SLC48A1: variants seen among roughly 807,000 people sequenced by gnomAD.
The protein encoded by SLC48A1 is solute carrier family 48 member 1.
In SLC48A1, 6 loss-of-function variants were observed where a neutral mutation model predicts 14.8. The ratio of observed to expected loss-of-function variants is 0.41; its 90% CI spans 0.22 to 0.80. The LOEUF is 0.80. SLC48A1 is among the 30% of genes least tolerant of loss of function. The pLI, the probability that SLC48A1 is intolerant of heterozygous loss-of-function variation, is 0.34. For missense variants in SLC48A1, 165 were observed against 204.8 expected (o/e 0.81, Z 1.19); for synonymous variants, 89 against 90.0 (o/e 0.99, Z 0.06).
upstream of SLC48A1, chr12:47,773,059 C>A (rs1281157384): frequency 4.4e-6 from 2 of 450,818 alleles, no homozygotes; most frequent in Admixed American, 1.3e-4. Context: ...AGGAATCCGC[C>A]TTTTTAGCAG....
rs903249944 is a variant in SLC48A1, at chr12:47,773,297, G to A, written c.-8G>A. On this transcript the variant is annotated 5_prime_UTR_variant, in exon 1 of 3. Coordinates refer to ENST00000442218, the MANE Select transcript of SLC48A1 (RefSeq NM_017842.3). The stretch of plus-strand genomic sequence containing the variant: ...GCTCGCCCTCGGCCCGCCCGGCGCC[G>A]CAGCCCCATGGCCCCGTCCAGGCTG... 96 of 1,430,840 alleles carry A rather than the reference G, an allele frequency of 6.7e-5. 1 individual carries two copies. The African/African-American group carries it at 1.2e-3, about 18-fold the overall frequency. 88.6% of individuals were successfully genotyped at this position (1,430,840 alleles called of 1,614,324 possible). A position where few individuals can be genotyped will look rare whatever the true frequency, so the allele number is the denominator to read the frequency against.
rs1008874628 is a variant in SLC48A1 at position 47,780,874 on chromosome 12, G to C, written c.*593G>C. On this transcript the variant is annotated 3_prime_UTR_variant, in exon 3 of 3. Transcript: ENST00000442218. Reference sequence around the variant, plus strand: ...GAGCCACCGTGCCCGGCCTGGATCTGTTTTCTTAGCACGCAGTGAGGAATC... The same window carrying C: ...GAGCCACCGTGCCCGGCCTGGATCTCTTTTCTTAGCACGCAGTGAGGAATC... 3 of 531,828 alleles carry C rather than the reference G, an allele frequency of 5.6e-6. No homozygotes were observed. The highest frequency in any genetic ancestry group is 1.2e-5 in the Non-Finnish European group (3 of 259,890). The allele number at this position is 531,828 out of a possible 1,614,324, so 32.9% of individuals were successfully genotyped here. A position where few individuals can be genotyped will look rare whatever the true frequency, so the allele number is the denominator to read the frequency against.
At chr12:47,774,789 T>C (rs1942705778) in intron 1 of SLC48A1, among the ~76,000 whole-genome samples, 1 of 152,072 alleles carries the variant, frequency 6.6e-6, no homozygotes, top group Admixed American at 6.5e-5. Flanking sequence ...TCACCACCTG[T>C]GGGATCCTGA....
intron 1 of SLC48A1, chr12:47,758,724 G>T: frequency 4.4e-6 from 6 of 1,366,900 alleles, no homozygotes; most frequent in Non-Finnish European, 5.7e-6. Flanking sequence ...GCAGCAGGAT[G>T]CAGGGCTCGG....
upstream of SLC48A1, among the ~76,000 whole-genome samples, chr12:47,770,508 T>C (rs78170576): frequency 0.01 from 1,525 of 152,348 alleles, 54 homozygotes; most frequent in East Asian, 0.15. Context: ...TGACATTTAT[T>C]GAGTATCTAC....
intron 1 of SLC48A1, among the ~76,000 whole-genome samples, chr12:47,775,145 A>G (rs1942718112): frequency 6.6e-6 from 1 of 152,048 alleles, no homozygotes. Flanking sequence ...TCCCCAAAAG[A>G]CATCTGACTT....
At chr12:47,760,899 A>G (rs1234528604) in intron 2 of SLC48A1, among the ~76,000 whole-genome samples, 1 of 152,152 alleles carries the variant, frequency 6.6e-6, no homozygotes, top group Non-Finnish European at 1.5e-5. Context: ...GAGTCTACTC[A>G]AAAAAGGAAA....
rs777784689 is a variant in SLC48A1 at position 47,773,282 on chromosome 12, G to T, written c.-23G>T. On this transcript the variant is annotated 5_prime_UTR_variant, in exon 1 of 3. Transcript: ENST00000442218. Reference sequence around the variant, plus strand: ...GTGACTCTCGGCCGCGCTCGCCCTCGGCCCGCCCGGCGCCGCAGCCCCATG... The same window carrying T: ...GTGACTCTCGGCCGCGCTCGCCCTCTGCCCGCCCGGCGCCGCAGCCCCATG... 3.9e-5 allele frequency: 55 copies of T among 1,396,294 alleles called. No individual in the cohort carries two copies. The African/African-American group carries it at 7.7e-4, about 20-fold the overall frequency. The allele number at this position is 1,396,294 out of a possible 1,614,324, so 86.5% of individuals were successfully genotyped here.
upstream of SLC48A1, among the ~76,000 whole-genome samples, chr12:47,767,802 T>C (rs1194659230): frequency 6.6e-6 from 1 of 152,062 alleles, no homozygotes; most frequent in African/African-American, 2.4e-5. Context: ...CAGGAACAAG[T>C]GTGGCACGTT....
chr12:47,769,319 T>C (rs1942579632), upstream of SLC48A1: 1 of 152,300 alleles, frequency 6.6e-6, no homozygotes. Flanking sequence ...GTAGGGGTCG[T>C]AGTAGTGTCT....
intron 2 of SLC48A1, among the ~76,000 whole-genome samples, chr12:47,762,618 A>G (rs773143436): frequency 9.9e-5 from 15 of 152,226 alleles, no homozygotes; most frequent in Non-Finnish European, 2.1e-4. Context: ...GTCACTTTAT[A>G]TACATCTTTT....
In SLC48A1 at chr12:47,779,140, C is replaced by T. The variant is rs550547848; in HGVS notation, c.249C>T (p.Ala83=). 488 of 1,551,848 alleles carry T rather than the reference C, an allele frequency of 3.1e-4. 7 individuals carry two copies. In the South Asian group the frequency reaches 5.2e-3, roughly 16 times the overall value. The change falls in exon 2 of 3, where the codon GCC becomes GCT. Residue 83 remains alanine, a synonymous_variant. Coordinates refer to ENST00000442218, the MANE Select transcript of SLC48A1 (RefSeq NM_017842.3). ...GFFFVGVLFS[A]VSIAAFCTFL... ...TCTTCGTGGGCGTCCTCTTCTCGGC[C>T]GTCTCCATCGCTGCCTTCTGCACCT...
chr12:47,764,748 A>T (rs1416859238), intron 2 of SLC48A1, among the ~76,000 whole-genome samples: 1 of 152,224 alleles, frequency 6.6e-6, no homozygotes, highest in Non-Finnish European at 1.5e-5. Flanking sequence ...TCCTGGCATC[A>T]GATCTACTGC....
intron 2 of SLC48A1, among the ~76,000 whole-genome samples, chr12:47,761,504 C>T (rs1942379610): frequency 6.6e-6 from 1 of 152,236 alleles, no homozygotes; most frequent in African/African-American, 2.4e-5. Context: ...ACAGGCAAGG[C>T]CCCCAGCCTG....
intron 2 of SLC48A1, among the ~76,000 whole-genome samples, chr12:47,764,404 C>G (rs1318495923): frequency 6.6e-6 from 1 of 152,254 alleles, no homozygotes; most frequent in South Asian, 2.1e-4. Flanking sequence ...CATCTTCCAA[C>G]TCATCCCAGG....
chr12:47,763,763 G>A (rs1234238564), intron 2 of SLC48A1, among the ~76,000 whole-genome samples: 2 of 152,176 alleles, frequency 1.3e-5, no homozygotes, highest in Admixed American at 6.5e-5. Flanking sequence ...AGGGAGAGGA[G>A]GGATGGGCTC....
chr12:47,756,994 A>G (rs61275291), upstream of SLC48A1, among the ~76,000 whole-genome samples: 4,297 of 151,940 alleles, frequency 0.028, 199 homozygotes, highest in African/African-American at 0.098. Context: ...AGAAAAGAAA[A>G]AAGAAATGAA....
intron 2 of SLC48A1, among the ~76,000 whole-genome samples, chr12:47,761,778 A>G (rs750306124): frequency 1.8e-4 from 27 of 152,318 alleles, no homozygotes; most frequent in Middle Eastern, 3.4e-3. Context: ...AATAGTCAAC[A>G]TGCACCAGGC....
chr12:47,763,506 C>T (rs1388540753), intron 2 of SLC48A1, among the ~76,000 whole-genome samples: 1 of 152,144 alleles, frequency 6.6e-6, no homozygotes, highest in Non-Finnish European at 1.5e-5. Context: ...AGAGATTGAG[C>T]AGAGAGGCAG....
Sources: gnomAD v4.1 joint callset for allele counts (sites outside exome capture counted in the v4.1 genomes callset) on GRCh38, gnomAD v4.1.1 for gene constraint, MANE v1.5 for transcripts, NCBI Gene and HGNC (gene_info 2026-07-23, HGNC 2026-07-21) for gene names.